Variants in COL5A1 observed in about 807,000 individuals in gnomAD.
The protein encoded by COL5A1 is collagen type V alpha 1 chain, also known as collagen alpha-1(V) chain.
Under a neutral mutation model 263.7 loss-of-function variants are expected in COL5A1, and 16 were observed. The ratio of observed to expected loss-of-function variants is 0.06; its 90% CI spans 0.04 to 0.09. The LOEUF is 0.09. Ranked by LOEUF, COL5A1 falls within the 10% of genes least tolerant of loss-of-function variation. The pLI, the probability that COL5A1 is intolerant of heterozygous loss-of-function variation, is 1.00. For synonymous variants in COL5A1, 1,012 were observed against 1,004.5 expected, an observed-to-expected ratio of 1.01 and a Z score of -0.14; for missense variants, 2,036 against 2,540.5, an observed-to-expected ratio of 0.80 and a Z score of 4.27.
In COL5A1 at chr9:134,785,929, T is replaced by A. The variant is rs373325901; in HGVS notation, c.2593-66T>A. 38 of 1,472,964 alleles carry A rather than the reference T, an allele frequency of 2.6e-5. No homozygotes were observed. The African/African-American group carries it at 5.1e-4, about 20-fold the overall frequency. 91.2% of individuals were successfully genotyped at this position (1,472,964 alleles called of 1,614,324 possible). ...CCTGCCAGAACGCATGTCCTTTCTCTCTGCTCCGGGGAAACGGATGGAGCA... is the reference window on the plus strand; with the variant it reads ...CCTGCCAGAACGCATGTCCTTTCTCACTGCTCCGGGGAAACGGATGGAGCA... On this transcript the variant is annotated intron_variant, in intron 30 of 65. Coordinates refer to ENST00000371817, the MANE Select transcript of COL5A1 (RefSeq NM_000093.5).
rs138767372 is a variant in COL5A1 at position 134,814,186 on chromosome 9, G to A, written c.3906+150G>A. 119 of 790,486 alleles carry A rather than the reference G, an allele frequency of 1.5e-4. 1 individual carries two copies. Among genetic ancestry groups the A allele is most frequent in the African/African-American group, 8.1e-4 (47 of 58,078 alleles). 49.0% of individuals were successfully genotyped at this position (790,486 alleles called of 1,614,324 possible). On this transcript the variant is annotated intron_variant, in intron 49 of 65. Transcript: ENST00000371817. The stretch of plus-strand genomic sequence containing the variant: ...CTTGTGCCCATTTCATGGAATGACC[G>A]TGAACAAGGTGTGTGATGTGGGAGT...
chr9:134,771,088 C>T (rs1320142324), intron 25 of COL5A1, among the ~76,000 whole-genome samples: 8 of 152,238 alleles, frequency 5.3e-5, no homozygotes, highest in Non-Finnish European at 1.0e-4. Context: ...TCCGCAGCGG[C>T]GCTGTGTGCA....
At chr9:134,685,466 ATTCAT>A (rs1564386587) in intron 1 of COL5A1, among the ~76,000 whole-genome samples, 1 of 90,418 alleles carries the variant, frequency 1.1e-5, no homozygotes, top group Non-Finnish European at 2.1e-5. Context: ...CCATCCATCC[ATTCAT>A]CCATCCATCC....
At position 134,765,866 on chromosome 9, in the gene COL5A1, G is replaced by A; in HGVS notation, c.2088+132G>A. ...CCTCTGGCGCCTGCCTGCTGCCAGT[G>A]TGAGGCGTGAGCGGGACACTGATGT... On this transcript the variant is annotated intron_variant, in intron 21 of 65. Transcript: ENST00000371817. The surrounding 1 kb of genome is among the most constrained non-coding windows in gnomAD (Gnocchi z 5.1). The A allele has an allele frequency of 1.4e-6, 1 of 712,840 alleles. No individual in the cohort carries two copies. Among genetic ancestry groups the A allele is most frequent in the South Asian group, 1.8e-5 (1 of 56,402 alleles). 44.2% of individuals were successfully genotyped at this position (712,840 alleles called of 1,614,324 possible).
chr9:134,728,926 G>T (rs1461824258), intron 6 of COL5A1, 119 bp downstream of exon 6: 6 of 1,327,508 alleles, frequency 4.5e-6, no homozygotes, highest in Middle Eastern at 2.3e-4. Context: ...GGTGAAGGTT[G>T]CGGGGGCAGC....
intron 39 of COL5A1, among the ~76,000 whole-genome samples, chr9:134,804,371 T>C (rs1478147090): frequency 1.4e-5 from 2 of 140,956 alleles, no homozygotes; most frequent in African/African-American, 4.9e-5. Context: ...AAGGGGTGAC[T>C]TTTTTTCAGA....
chr9:134,740,566 CAGT>C (rs1399765388), intron 11 of COL5A1, among the ~76,000 whole-genome samples: 2 of 152,232 alleles, frequency 1.3e-5, no homozygotes, highest in East Asian at 3.9e-4. Flanking sequence ...GACACTGCCT[CAGT>C]GGTGTTCCAC....
At chr9:134,745,657 G>T (rs1835484052) in intron 11 of COL5A1, among the ~76,000 whole-genome samples, 1 of 152,178 alleles carries the variant, frequency 6.6e-6, no homozygotes, top group Non-Finnish European at 1.5e-5. Flanking sequence ...CTTGGAAGGG[G>T]CTCAGTAGGA....
intron 11 of COL5A1, among the ~76,000 whole-genome samples, chr9:134,746,127 C>T (rs899387175): frequency 4.6e-5 from 7 of 152,196 alleles, no homozygotes; most frequent in Admixed American, 6.5e-5. Flanking sequence ...GCCCACCGCG[C>T]GTGGTCATGC....
Position 134,765,304 on chromosome 9 carries a change from AG to A in COL5A1, c.2035-374del, listed in dbSNP as rs1007909642. ...TCAGGAGCGAGCCGGTAATGAGGAT[AG>A]GGCACAAGGGCTCCGTGCAGTGGAA... is the stretch of plus-strand genomic sequence containing the variant. On this transcript the variant is annotated intron_variant, in intron 20 of 65. Coordinates refer to ENST00000371817, the MANE Select transcript of COL5A1 (RefSeq NM_000093.5). The surrounding 1 kb of genome is among the most constrained non-coding windows in gnomAD (Gnocchi z 5.1). Among the ~76,000 whole-genome samples the A allele has an allele frequency of 2.0e-5, 3 of 152,142 alleles. No homozygotes were observed. Among genetic ancestry groups the A allele is most frequent in the African/African-American group, 7.2e-5 (3 of 41,416 alleles).
At chr9:134,656,522 G>A (rs149809260) in intron 1 of COL5A1, among the ~76,000 whole-genome samples, 52 of 152,302 alleles carry the variant, frequency 3.4e-4, no homozygotes, top group African/African-American at 1.2e-3. Context: ...CACCTACCTG[G>A]ACTGGCAGCT....
intron 57 of COL5A1, among the ~76,000 whole-genome samples, chr9:134,819,876 G>C (rs1838923203): frequency 6.6e-6 from 1 of 152,224 alleles, no homozygotes; most frequent in Admixed American, 6.5e-5. Context: ...ACTTTGGTCT[G>C]TCTCAGTGTC....
rs1274524831 is a variant in COL5A1 at position 134,765,683 on chromosome 9, G to C, written c.2037G>C (p.Gly679=). The C allele has an allele frequency of 6.2e-7, 1 of 1,613,578 alleles. No individual in the cohort carries two copies. Among genetic ancestry groups the C allele is most frequent in the Non-Finnish European group, 8.5e-7 (1 of 1,179,568 alleles). ...CTATTTTCCCTTTCCTCTTACAGGG[G>C]CCACGTGGTCTGCTTGGGCCGAAGG... ...VGPRGLPGEP[G]PRGLLGPKGP... is the part of the protein sequence containing the mutation. Residue 679 remains glycine (G), a splice_region_variant and synonymous_variant, in exon 21 of 66, where the codon GGG becomes GGC. Coordinates refer to ENST00000371817, the MANE Select transcript of COL5A1 (RefSeq NM_000093.5). This position sits in a 1 kb window ranked among gnomAD's most constrained non-coding sequence, Gnocchi z 5.1.
In COL5A1 at chr9:134,678,899, C is replaced by T. The variant is rs536601754; in HGVS notation, c.110-12013C>T. Among the ~76,000 whole-genome samples the T allele has an allele frequency of 6.6e-6, 1 of 152,174 alleles. No individual in the cohort carries two copies. Among genetic ancestry groups the T allele is most frequent in the African/African-American group, 2.4e-5 (1 of 41,458 alleles). On this transcript the variant is annotated intron_variant, in intron 1 of 65. Coordinates refer to ENST00000371817, the MANE Select transcript of COL5A1 (RefSeq NM_000093.5). This position sits in a 1 kb window ranked among gnomAD's most constrained non-coding sequence, Gnocchi z 5.5. ...GGATCAGGCTGGTTGGTGTTACCCC[C>T]TGCTGGGGGGCAGGCGTTAGATCTG... is the stretch of plus-strand genomic sequence containing the variant.
At chr9:134,827,734 C>T (rs1839347892) in intron 63 of COL5A1, among the ~76,000 whole-genome samples, 1 of 152,180 alleles carries the variant, frequency 6.6e-6, no homozygotes, top group South Asian at 2.1e-4. Context: ...AGCTGCTTGG[C>T]CAAGGGCAAG....
At chr9:134,810,339 C>T (rs987971809) in intron 44 of COL5A1, 31 bp downstream of exon 44, 6 of 1,610,220 alleles carry the variant, frequency 3.7e-6, no homozygotes, top group Non-Finnish European at 4.2e-6. Flanking sequence ...GCGCGGCAGC[C>T]CCCAGGTCCC....
rs568100636 is a variant in COL5A1, at chr9:134,811,067, A to G, written c.3529-272A>G. 3.3e-5 allele frequency among the ~76,000 whole-genome samples: 5 copies of G among 152,310 alleles called. No individual in the cohort carries two copies. The South Asian group carries it at 1.0e-3, about 32-fold the overall frequency. On this transcript the variant is annotated intron_variant, in intron 44 of 65. Coordinates refer to ENST00000371817, the MANE Select transcript of COL5A1 (RefSeq NM_000093.5). ...CCTCACGTGCCCCTGTTGTGGGTGC[A>G]TGATGGGAGCTGAGATGACACACGG... is the stretch of plus-strand genomic sequence containing the variant.
Position 134,696,946 on chromosome 9 carries a change from C to T in COL5A1, c.278-2963C>T, listed in dbSNP as rs1292980227. Among the ~76,000 whole-genome samples, 1 of 152,068 alleles carries T rather than the reference C, an allele frequency of 6.6e-6. No homozygotes were observed. Among genetic ancestry groups the T allele is most frequent in the Non-Finnish European group, 1.5e-5 (1 of 68,016 alleles). ...ATTAGCCAGGCTTGGTGGCGGGTGC[C>T]TGTAGTCCCAGCTACTCGGGAGGCT... On this transcript the variant is annotated intron_variant, in intron 2 of 65. Transcript: ENST00000371817. The surrounding 1 kb of genome is among the most constrained non-coding windows in gnomAD (Gnocchi z 4.3).
chr9:134,814,523 G>A (rs908163711), intron 49 of COL5A1, among the ~76,000 whole-genome samples: 9 of 152,340 alleles, frequency 5.9e-5, no homozygotes, highest in Admixed American at 1.3e-4. Context: ...ACTGACTGAT[G>A]TCTGGTCCAG....
Sources: allele counts gnomAD v4.1 joint callset (sites outside exome capture counted in the v4.1 genomes callset), GRCh38; gene constraint gnomAD v4.1.1; non-coding constraint Gnocchi (gnomAD v3.1); transcripts MANE v1.5; gene names NCBI Gene and HGNC (gene_info 2026-07-23, HGNC 2026-07-21).